The following SYN2 variants were observed in gnomAD, a reference collection of about 807,000 sequenced individuals.
SYN2 encodes synapsin-2.
Under a neutral mutation model 50.9 loss-of-function variants are expected in SYN2, and 19 were observed. That is an observed-to-expected ratio of 0.37 (90% CI 0.26 to 0.55). SYN2 has a LOEUF of 0.55. Ranked by LOEUF, SYN2 falls within the 20% of genes least tolerant of loss-of-function variation. The pLI is 0.81. For missense variants in SYN2, 587 were observed against 576.4 expected (o/e 1.02, Z -0.19); for synonymous variants, 255 against 224.9 (o/e 1.13, Z -1.20).
intron 1 of SYN2, among the ~76,000 whole-genome samples, chr3:12,119,003 C>T (rs73813127): frequency 0.079 from 11,990 of 152,172 alleles, 580 homozygotes; most frequent in African/African-American, 0.13. Context: ...TTTCCCCTCA[C>T]ATCTCACATC....
rs570978908 is a variant in SYN2 at position 12,169,045 on chromosome 3, T to C, written c.1158+567T>C. On this transcript the variant is annotated intron_variant, in intron 9 of 12. Transcript: ENST00000621198. ...CTAGGAGTTGGTGGTATTTCCAGGA[T>C]ATTGGTGTCAGGAGCCCAAAGTAGG... Among the ~76,000 whole-genome samples the C allele has an allele frequency of 9.3e-4, 142 of 152,304 alleles. 1 individual carries two copies. The highest frequency in any genetic ancestry group is 3.3e-3 in the African/African-American group (138 of 41,582).
At chr3:12,108,963 G>T (rs1696260405) in intron 1 of SYN2, among the ~76,000 whole-genome samples, 1 of 151,954 alleles carries the variant, frequency 6.6e-6, no homozygotes, top group African/African-American at 2.4e-5. Context: ...TGGTCATAAA[G>T]ACTGAAGTTT....
chr3:12,155,927 G>A (rs1697443075), intron 5 of SYN2, among the ~76,000 whole-genome samples: 1 of 152,144 alleles, frequency 6.6e-6, no homozygotes, highest in Non-Finnish European at 1.5e-5. Flanking sequence ...TTCCATCCAG[G>A]AGCTCCTCAG....
At chr3:12,148,290 TGAG>T (rs1697199010) in intron 4 of SYN2, among the ~76,000 whole-genome samples, 1 of 152,136 alleles carries the variant, frequency 6.6e-6, no homozygotes, top group African/African-American at 2.4e-5. Flanking sequence ...GGGCCCTGCA[TGAG>T]GAGAACAGCA....
At chr3:12,159,602 T>A (rs1697587704) in intron 5 of SYN2, among the ~76,000 whole-genome samples, 1 of 152,148 alleles carries the variant, frequency 6.6e-6, no homozygotes, top group Non-Finnish European at 1.5e-5. Flanking sequence ...ACAGCGCTCT[T>A]GGTGTACAAA....
chr3:12,026,377 A>G (rs1694256995), intron 1 of SYN2, among the ~76,000 whole-genome samples: 1 of 152,172 alleles, frequency 6.6e-6, no homozygotes, highest in Admixed American at 6.6e-5. Context: ...GGCAAAACTG[A>G]AATGAGCAAA....
chr3:12,070,525 C>A, intron 1 of SYN2: 1 of 845,872 alleles, frequency 1.2e-6, no homozygotes, highest in Non-Finnish European at 1.9e-6. Flanking sequence ...TTGCGTGTGG[C>A]CCCGGAGGAG....
chr3:12,182,044 C>T (rs1698233506), intron 10 of SYN2, among the ~76,000 whole-genome samples: 1 of 152,200 alleles, frequency 6.6e-6, no homozygotes, highest in Non-Finnish European at 1.5e-5. Context: ...GGCCCCCCTC[C>T]CAGCTGCTCT....
rs1251197506 is a variant in SYN2 at position 12,004,923 on chromosome 3, C to T, written c.372C>T (p.Ala124=). The part of the protein sequence containing the change: ...KVLLVVDEPH[A]DWAKCFRGKK... ...TGCTGGTGGTCGACGAGCCGCACGC[C>T]GACTGGTAGGTGCCGGGCGCCGCCG... Residue 124 remains alanine, a synonymous_variant, in exon 1 of 13, where the codon GCC becomes GCT. Transcript: ENST00000621198. The T allele has an allele frequency of 7.1e-6, 4 of 567,270 alleles. No homozygotes were observed. The highest frequency in any genetic ancestry group is 4.1e-5 in the South Asian group (2 of 49,186). 35.1% of individuals were successfully genotyped at this position (567,270 alleles called of 1,614,324 possible). A position where few individuals can be genotyped will look rare whatever the true frequency, so the allele number is the denominator to read the frequency against.
chr3:12,145,712 G>C lies in SYN2; in HGVS notation c.561G>C (p.Gln187His). 6.2e-7 allele frequency: 1 copy of C among 1,614,042 alleles called. No homozygotes were observed. The highest frequency in any genetic ancestry group is 8.5e-7 in the Non-Finnish European group (1 of 1,179,884). ...SFRPDFVLIR[Q>H]HAFGMAENED... is the part of the protein sequence containing the mutation. ...GGCCAGACTTCGTGCTCATCCGGCA[G>C]CATGCATTTGGCATGGCGGAGAATG... Residue 187 changes from glutamine (Q) to histidine (H), a missense_variant, in exon 4 of 13, where the codon CAG (glutamine) becomes CAC (histidine). Physicochemically the swap from Gln to His is conservative, Grantham distance 24. Coordinates refer to ENST00000621198, the MANE Select transcript of SYN2 (RefSeq NM_133625.6).
At chr3:12,057,862 CTG>C (rs1243416032) in intron 1 of SYN2, among the ~76,000 whole-genome samples, 1 of 152,128 alleles carries the variant, frequency 6.6e-6, no homozygotes, top group Non-Finnish European at 1.5e-5. Context: ...AACATTAAAA[CTG>C]AAACATATAA....
chr3:12,120,772 C>T (rs1202756656), intron 1 of SYN2, among the ~76,000 whole-genome samples: 4 of 152,182 alleles, frequency 2.6e-5, no homozygotes, highest in Admixed American at 2.6e-4. Flanking sequence ...TGGCCATGAC[C>T]TACCTCTATA....
At chr3:12,111,571 A>G (rs1346719789) in intron 1 of SYN2, among the ~76,000 whole-genome samples, 2 of 152,114 alleles carry the variant, frequency 1.3e-5, no homozygotes, top group African/African-American at 4.8e-5. Flanking sequence ...AAGCACTCCT[A>G]TTTGATGGTT....
At chr3:12,007,025 A>T (rs1693816062) in intron 1 of SYN2, among the ~76,000 whole-genome samples, 1 of 152,224 alleles carries the variant, frequency 6.6e-6, no homozygotes, top group Non-Finnish European at 1.5e-5. Flanking sequence ...ATTGCCAGTT[A>T]GGTATCTATA....
chr3:12,038,292 A>G (rs780157939), intron 1 of SYN2, among the ~76,000 whole-genome samples: 5 of 152,184 alleles, frequency 3.3e-5, no homozygotes, highest in Non-Finnish European at 7.4e-5. Context: ...TTGTTCTTAT[A>G]TCAATATCAT....
intron 1 of SYN2, among the ~76,000 whole-genome samples, chr3:12,035,801 AT>A (rs1694486055): frequency 6.6e-6 from 1 of 152,188 alleles, no homozygotes; most frequent in South Asian, 2.1e-4. Context: ...TCAGCAAGAA[AT>A]TTAGAACAAA....
At chr3:12,125,842 GAAAAAA>G (rs5846749) in intron 1 of SYN2, among the ~76,000 whole-genome samples, 1 of 138,014 alleles carries the variant, frequency 7.2e-6, no homozygotes, top group Non-Finnish European at 1.5e-5. Flanking sequence ...GTCTAAAAGT[GAAAAAA>G]AAAAAAAAAC....
intron 3 of SYN2, among the ~76,000 whole-genome samples, chr3:12,143,747 A>G (rs921279894): frequency 2.0e-5 from 3 of 152,226 alleles, no homozygotes; most frequent in African/African-American, 7.2e-5. Flanking sequence ...TGCAATAAAC[A>G]TATGAGTACG....
chr3:12,140,322 T>C (rs949485990), intron 1 of SYN2, among the ~76,000 whole-genome samples: 1 of 152,124 alleles, frequency 6.6e-6, no homozygotes, highest in Non-Finnish European at 1.5e-5. Context: ...TGCAGAGATG[T>C]ATAAAGCTGA....
Sources: gnomAD v4.1 joint callset for allele counts (sites outside exome capture counted in the v4.1 genomes callset) on GRCh38, gnomAD v4.1.1 for gene constraint, MANE v1.5 for transcripts, NCBI Gene and HGNC (gene_info 2026-07-23, HGNC 2026-07-21) for gene names.